The following LONRF3 variants were observed in gnomAD, a reference collection of about 807,000 sequenced individuals.
LONRF3 encodes LON peptidase N-terminal domain and ring finger 3.
In LONRF3, 19 loss-of-function variants were observed where a neutral mutation model predicts 51.7. That is an observed-to-expected ratio of 0.37 (90% CI 0.26 to 0.54). The LOEUF (loss-of-function observed/expected upper bound fraction) is 0.54. Among genes scored for constraint, LONRF3 ranks in the 20% least tolerant of loss-of-function variants. LONRF3 has a pLI of 0.86. For missense variants in LONRF3, 521 were observed against 623.9 expected, an observed-to-expected ratio of 0.84 and a Z score of 1.76; for synonymous variants, 265 against 257.8, an observed-to-expected ratio of 1.03 and a Z score of -0.27.
rs770291809 is a variant in LONRF3, at chrX:119,014,378, T to A, written c.2124+22T>A. 1.9e-5 allele frequency: 23 copies of A among 1,193,962 alleles called. No individual in the cohort carries two copies. The South Asian group carries it at 4.3e-4, about 22-fold the overall frequency. On this transcript the variant is annotated intron_variant, in intron 10 of 10. Coordinates refer to ENST00000371628, the MANE Select transcript of LONRF3 (RefSeq NM_001031855.3). ...TCAGGTATAGAAAAATGTCTATTTT[T>A]AAACGGGTTGTCCCACTAGAAGAGA... is the stretch of plus-strand genomic sequence containing the variant.
rs374531528 is a variant in LONRF3, at chrX:118,990,602, A to G, written c.1415+42A>G. On this transcript the variant is annotated intron_variant, in intron 5 of 10. Transcript: ENST00000371628. ...ATCATTTACTTCCTGATGTTTCTTC[A>G]TCTCTGGTGTCTGGACCTTTCTGCT... 228 of 1,072,522 alleles carry G rather than the reference A, an allele frequency of 2.1e-4. No homozygotes were observed. In the Middle Eastern group the frequency reaches 5.9e-3, roughly 28 times the overall value. 88.4% of individuals were successfully genotyped at this position (1,072,522 alleles called of 1,213,427 possible).
intron 5 of LONRF3, among the ~76,000 whole-genome samples, chrX:119,003,148 AT>A (rs1007901414): frequency 1.8e-5 from 2 of 110,461 alleles, no homozygotes; most frequent in Non-Finnish European, 3.8e-5. Context: ...GTCAGAATTC[AT>A]TTTTTTTACC....
intron 7 of LONRF3, among the ~76,000 whole-genome samples, chrX:119,011,346 A>G (rs1270454124): frequency 1.8e-5 from 2 of 110,664 alleles, no homozygotes; most frequent in African/African-American, 3.3e-5. Context: ...TGCAAATTTG[A>G]GATGCCCTAG....
rs1399758638 is a variant in LONRF3, at chrX:118,975,186, G to A, written c.406G>A (p.Val136Met). 2.5e-6 allele frequency: 3 copies of A among 1,180,964 alleles called. No individual in the cohort carries two copies. Among genetic ancestry groups the A allele is most frequent in the Non-Finnish European group, 2.3e-6 (2 of 880,757 alleles). Reference protein sequence around the residue: ...PDEGSTASGTVAAEETGAAAA... With the variant: ...PDEGSTASGTMAAEETGAAAA... The stretch of plus-strand genomic sequence containing the variant: ...CGAGGGTAGCACTGCAAGCGGCACC[G>A]TGGCGGCGGAAGAGACGGGGGCCGC... Residue 136 changes from valine (V) to methionine (M), a missense_variant, in exon 1 of 11, where the codon GTG becomes ATG. Physicochemically the swap from Val to Met is conservative, Grantham distance 21 (BLOSUM62 1). Coordinates refer to ENST00000371628, the MANE Select transcript of LONRF3 (RefSeq NM_001031855.3).
chrX:118,982,231 C>T (rs1922620178), intron 2 of LONRF3, among the ~76,000 whole-genome samples: 1 of 111,898 alleles, frequency 8.9e-6, no homozygotes, highest in Non-Finnish European at 1.9e-5. Context: ...GGGCAGTCTG[C>T]TTTGTGGAGA....
rs767122227 is a variant in LONRF3, at chrX:118,975,529, G to A, written c.749G>A (p.Gly250Asp). 3.3e-6 allele frequency: 4 copies of A among 1,202,021 alleles called. No individual in the cohort carries two copies. The African/African-American group carries it at 5.3e-5, about 16-fold the overall frequency. ...PARASQLRHEGNRLYRERQVE... is the reference protein window; with the variant it reads ...PARASQLRHEDNRLYRERQVE... The stretch of plus-strand genomic sequence containing the variant: ...CGAGCGTCGCAACTCCGGCACGAGG[G>A]CAACCGACTGTACCGCGAGCGCCAG... The change falls in exon 1 of 11, where the codon GGC (glycine) becomes GAC (aspartate). Residue 250 changes from glycine to aspartate, a missense_variant. By Grantham distance (94) the Gly-to-Asp change is moderately conservative. Coordinates refer to ENST00000371628, the MANE Select transcript of LONRF3 (RefSeq NM_001031855.3).
intron 10 of LONRF3, among the ~76,000 whole-genome samples, chrX:119,016,350 C>CTTTCTT (rs1187001381): frequency 6.8e-5 from 6 of 88,527 alleles, no homozygotes; most frequent in Non-Finnish European, 8.7e-5. Context: ...TTCTTTCTTT[C>CTTTCTT]TTTTTTTTTT....
chrX:119,006,022 T>A, intron 5 of LONRF3, 99 bp from the exon 6 acceptor site: 1 of 468,379 alleles, frequency 2.1e-6, no homozygotes, highest in Non-Finnish European at 3.6e-6. Context: ...TCCCCCACCC[T>A]AAAATATTCT....
At chrX:119,014,383 G>A (rs1425515637) in intron 10 of LONRF3, 27 bp downstream of exon 10, 2 of 1,189,130 alleles carry the variant, frequency 1.7e-6, no homozygotes, top group East Asian at 3.0e-5. Flanking sequence ...ATTTTTAAAC[G>A]GGTTGTCCCA....
Position 118,974,950 on chromosome X carries a change from A to T in LONRF3, c.170A>T (p.Glu57Val). ...APLPTREPEQ[E>V]QSPGTSTPES... ...CTACCGACGCGGGAGCCAGAGCAAGAGCAGTCTCCGGGGACCTCAACGCCG... is the reference window on the plus strand; with the variant it reads ...CTACCGACGCGGGAGCCAGAGCAAGTGCAGTCTCCGGGGACCTCAACGCCG... The change falls in exon 1 of 11, where the codon GAG becomes GTG. Residue 57 changes from glutamate to valine, a missense_variant. Coordinates refer to ENST00000371628, the MANE Select transcript of LONRF3 (RefSeq NM_001031855.3). The T allele has an allele frequency of 8.5e-7, 1 of 1,180,127 alleles. No individual in the cohort carries two copies.
At chrX:119,010,503 TTTACA>T (rs1925028720) in intron 7 of LONRF3, among the ~76,000 whole-genome samples, 1 of 111,226 alleles carries the variant, frequency 9.0e-6, no homozygotes, top group Non-Finnish European at 1.9e-5. Context: ...TTCTCATTAA[TTTACA>T]TTGGAACTAC....
chrX:118,981,116 G>C (rs1922515547), intron 2 of LONRF3, among the ~76,000 whole-genome samples: 1 of 111,369 alleles, frequency 9.0e-6, no homozygotes, highest in Admixed American at 9.5e-5. Context: ...CATCCAACCA[G>C]AGTGTGTGGT....
At chrX:119,012,799 G>A (rs1489267721) in intron 8 of LONRF3, 2 of 791,622 alleles carry the variant, frequency 2.5e-6, no homozygotes. Context: ...TCAAACCATA[G>A]CACTGGCACA....
intron 5 of LONRF3, among the ~76,000 whole-genome samples, chrX:119,002,761 AT>A (rs1229151484): frequency 1.8e-5 from 2 of 110,528 alleles, no homozygotes; most frequent in African/African-American, 6.6e-5. Context: ...TCTTAATGAC[AT>A]TTTTTGATGA....
At chrX:119,010,789 G>A (rs1925049035) in intron 7 of LONRF3, among the ~76,000 whole-genome samples, 2 of 111,267 alleles carry the variant, frequency 1.8e-5, no homozygotes, top group African/African-American at 6.6e-5. Flanking sequence ...GTTCCCCAAC[G>A]GGTTGTGTGT....
intron 6 of LONRF3, among the ~76,000 whole-genome samples, chrX:119,008,278 G>A (rs1226119495): frequency 8.9e-6 from 1 of 112,553 alleles, no homozygotes; most frequent in African/African-American, 3.2e-5. Context: ...GAACAAAATT[G>A]TTTGAAGCCA....
At chrX:118,993,870 T>C (rs960198946) in intron 5 of LONRF3, among the ~76,000 whole-genome samples, 2 of 112,196 alleles carry the variant, frequency 1.8e-5, no homozygotes, top group Non-Finnish European at 3.8e-5. Flanking sequence ...GGACCTATCT[T>C]CAGCCTCCTC....
At chrX:119,010,777 T>C (rs149036762) in intron 7 of LONRF3, among the ~76,000 whole-genome samples, 1,653 of 111,502 alleles carry the variant, frequency 0.015, 29 homozygotes, top group African/African-American at 0.05. Flanking sequence ...GGCTCTGTTT[T>C]GGTTCCCCAA....
At chrX:119,016,273 A>G (rs1290194968) in intron 10 of LONRF3, among the ~76,000 whole-genome samples, 1 of 111,538 alleles carries the variant, frequency 9.0e-6, no homozygotes, top group Non-Finnish European at 1.9e-5. Flanking sequence ...GCTTTGGGGA[A>G]GGATTTATGT....
Sources: gnomAD v4.1 joint callset for allele counts (sites outside exome capture counted in the v4.1 genomes callset) on GRCh38, gnomAD v4.1.1 for gene constraint, MANE v1.5 for transcripts, NCBI Gene and HGNC (gene_info 2026-07-23, HGNC 2026-07-21) for gene names.